The following MEGF10 variants were observed in gnomAD, a reference collection of about 807,000 sequenced individuals.
The protein encoded by MEGF10 is multiple epidermal growth factor-like domains protein 10.
In MEGF10, 86 loss-of-function variants were observed where a neutral mutation model predicts 147.5. The observed-to-expected ratio is 0.58, with a 90% CI of 0.49 to 0.70. MEGF10 has a LOEUF of 0.70. MEGF10 is among the 30% of genes least tolerant of loss of function. MEGF10 has a pLI of 0.00. For synonymous variants in MEGF10, 478 were observed against 525.5 expected, an observed-to-expected ratio of 0.91 and a Z score of 1.24; for missense variants, 1,329 against 1,487.3, an observed-to-expected ratio of 0.89 and a Z score of 1.75.
the MEGF10 span, among the ~76,000 whole-genome samples, chr5:127,237,597 G>A: frequency 2.6e-5 from 4 of 152,310 alleles, no homozygotes; most frequent in African/African-American, 9.6e-5. Context: ...TTTTGTTTTG[G>A]GTATGGGTAG....
the MEGF10 span, among the ~76,000 whole-genome samples, chr5:127,261,551 T>C: frequency 0.4 from 60,696 of 152,062 alleles, 12,617 homozygotes; most frequent in Middle Eastern, 0.54. Flanking sequence ...TTTTTGGTTA[T>C]TGTAAATAAT....
intron 5 of MEGF10, among the ~76,000 whole-genome samples, chr5:127,379,567 C>A (rs1209392040): frequency 6.7e-6 from 1 of 149,856 alleles, no homozygotes; most frequent in Non-Finnish European, 1.5e-5. Context: ...TAATACTCAT[C>A]TCCCTGGTTC....
chr5:127,331,449 C>G, intron 2 of MEGF10, 25 bp downstream of exon 2: 1 of 1,371,540 alleles, frequency 7.3e-7, no homozygotes, highest in Non-Finnish European at 1.0e-6. Flanking sequence ...AGGAGCCTGA[C>G]AAAGAATTGC....
Position 127,438,471 on chromosome 5 carries a change from A to T in MEGF10, c.2137A>T (p.Ile713Phe). Reference protein sequence around the residue: ...CPPAHWGPNCIHTCNCHNGAF... With the variant: ...CPPAHWGPNCFHTCNCHNGAF... ...ACCTGCCCACTGGGGCCCAAACTGC[A>T]TCCACACGTGCAACTGCCATAATGG... The change falls in exon 17 of 25, where the codon ATC becomes TTC. Residue 713 changes from isoleucine to phenylalanine, a missense_variant. Physicochemically the swap from Ile to Phe is conservative, Grantham distance 21. Around this residue, in one of 3 missense-constraint regions of MEGF10, gnomAD observed 980 missense variants for 1,085.9 expected, o/e 0.90. Transcript: ENST00000503335. 1.2e-6 allele frequency: 2 copies of T among 1,614,108 alleles called. No individual in the cohort carries two copies. The highest frequency in any genetic ancestry group is 1.7e-4 in the Middle Eastern group (1 of 6,060).
At chr5:127,293,917 C>A (rs1042331729) in intron 1 of MEGF10, among the ~76,000 whole-genome samples, 1 of 152,236 alleles carries the variant, frequency 6.6e-6, no homozygotes, top group African/African-American at 2.4e-5. Flanking sequence ...CTTTGCAGCA[C>A]TTCTCAGGGT....
chr5:127,434,830 C>A lies in MEGF10; in HGVS notation c.1975+9C>A. The A allele has an allele frequency of 1.9e-6, 3 of 1,610,272 alleles. No homozygotes were observed. The East Asian group carries it at 6.7e-5, about 36-fold the overall frequency. On this transcript the variant is annotated intron_variant, in intron 15 of 24. Transcript: ENST00000503335. ...CGCCCTCTGCAATGAAGGTAAGGCA[C>A]GAAGCATCCCGGACAGCTGGGTGGT...
At chr5:127,427,464 G>A (rs923974836) in intron 13 of MEGF10, among the ~76,000 whole-genome samples, 3 of 152,080 alleles carry the variant, frequency 2.0e-5, no homozygotes, top group African/African-American at 7.2e-5. Flanking sequence ...AAGGGGAGGG[G>A]TAGGAGAATA....
chr5:127,429,719 G>A (rs1765333205), intron 13 of MEGF10, among the ~76,000 whole-genome samples: 1 of 152,124 alleles, frequency 6.6e-6, no homozygotes, highest in African/African-American at 2.4e-5. Flanking sequence ...TTGTCACTTT[G>A]ATCATTTTTT....
chr5:127,453,121 A>T (rs1281997552), intron 22 of MEGF10, among the ~76,000 whole-genome samples: 1 of 152,222 alleles, frequency 6.6e-6, no homozygotes, highest in Non-Finnish European at 1.5e-5. Context: ...AGTGGCAAGG[A>T]TATCGTTTCC....
chr5:127,234,118 C>T, the MEGF10 span, among the ~76,000 whole-genome samples: 1 of 152,184 alleles, frequency 6.6e-6, no homozygotes, highest in African/African-American at 2.4e-5. Flanking sequence ...CCCCAGGATC[C>T]TCCTGTATTT....
chr5:127,262,256 G>A, the MEGF10 span, among the ~76,000 whole-genome samples: 6 of 152,026 alleles, frequency 3.9e-5, no homozygotes, highest in South Asian at 1.2e-3. Context: ...GGTACAATTA[G>A]ATCTTAGATC....
In MEGF10 at chr5:127,296,580, T is replaced by C. The variant is rs997148674; in HGVS notation, c.-19+5524T>C. On this transcript the variant is annotated intron_variant, in intron 1 of 24. Transcript: ENST00000503335. ...ATGACTAAGTGCCTTGTCATTAATG[T>C]CTCATCTGACCCAGATGAGCTGTAC... 3.3e-5 allele frequency among the ~76,000 whole-genome samples: 5 copies of C among 152,210 alleles called. 1 individual carries two copies. Among genetic ancestry groups the C allele is most frequent in the Non-Finnish European group, 7.4e-5 (5 of 68,024 alleles).
At chr5:127,356,771 T>C (rs116227358) in intron 4 of MEGF10, among the ~76,000 whole-genome samples, 190 of 152,340 alleles carry the variant, frequency 1.2e-3, no homozygotes, top group African/African-American at 4.4e-3. Flanking sequence ...GGAATACTCA[T>C]CCTGCAGAAT....
At chr5:127,234,873 C>G in the MEGF10 span, among the ~76,000 whole-genome samples, 1 of 151,324 alleles carries the variant, frequency 6.6e-6, no homozygotes, top group East Asian at 1.9e-4. Context: ...AGATGGAGTC[C>G]CACTCTGTCA....
intron 13 of MEGF10, among the ~76,000 whole-genome samples, chr5:127,427,498 T>A (rs1454639859): frequency 6.6e-6 from 1 of 152,046 alleles, no homozygotes; most frequent in Non-Finnish European, 1.5e-5. Flanking sequence ...GGGGCTCATC[T>A]GAGCCCAGCC....
At chr5:127,258,601 C>T in the MEGF10 span, among the ~76,000 whole-genome samples, 20 of 152,258 alleles carry the variant, frequency 1.3e-4, no homozygotes, top group African/African-American at 4.8e-4. Flanking sequence ...TCTTCCAAAA[C>T]TTATGTCAAA....
chr5:127,425,341 G>A (rs892847801), intron 13 of MEGF10, among the ~76,000 whole-genome samples: 1 of 152,186 alleles, frequency 6.6e-6, no homozygotes, highest in African/African-American at 2.4e-5. Context: ...TAAACGGGAA[G>A]ACTACTGCTT....
the MEGF10 span, among the ~76,000 whole-genome samples, chr5:127,235,845 A>G: frequency 2.0e-5 from 3 of 152,224 alleles, no homozygotes; most frequent in Non-Finnish European, 2.9e-5. Context: ...TAAGCATAAG[A>G]TGCTTGCACT....
At chr5:127,359,638 GC>G (rs1762405643) in intron 4 of MEGF10, among the ~76,000 whole-genome samples, 1 of 151,958 alleles carries the variant, frequency 6.6e-6, no homozygotes, top group Non-Finnish European at 1.5e-5. Context: ...GAGTATTCTC[GC>G]TTTTATATCT....
Sources: allele counts gnomAD v4.1 joint callset (sites outside exome capture counted in the v4.1 genomes callset), GRCh38; gene constraint gnomAD v4.1.1; regional missense constraint gnomAD v4.1.1; transcripts MANE v1.5; gene names NCBI Gene and HGNC (gene_info 2026-07-23, HGNC 2026-07-21).